The following SCARA5 variants were observed in gnomAD, a reference collection of about 807,000 sequenced individuals.
SCARA5 encodes scavenger receptor class A, member 5 (putative).
SCARA5 carries 45 observed loss-of-function variants against 46.3 expected under a neutral mutation model. That is an observed-to-expected ratio of 0.97 (90% CI 0.76 to 1.24). SCARA5 has a LOEUF of 1.24. SCARA5 is among the 50% of genes most tolerant of loss of function. The probability of loss-of-function intolerance (pLI) is 0.00; values close to 1 mark genes in which losing one functional copy is unlikely to be tolerated. For missense variants in SCARA5, 680 were observed against 689.0 expected, an observed-to-expected ratio of 0.99 and a Z score of 0.15; for synonymous variants, 333 against 306.5, an observed-to-expected ratio of 1.09 and a Z score of -0.90.
chr8:27,877,419 G>A (rs925672506), intron 8 of SCARA5, among the ~76,000 whole-genome samples: 3 of 152,190 alleles, frequency 2.0e-5, no homozygotes, highest in Non-Finnish European at 4.4e-5. Flanking sequence ...GATCAGGGGA[G>A]TGAAAGAAGC....
intron 2 of SCARA5, among the ~76,000 whole-genome samples, chr8:27,978,193 ATT>A (rs34584740): frequency 1.6e-4 from 22 of 137,940 alleles, no homozygotes; most frequent in Non-Finnish European, 1.6e-4. Flanking sequence ...CATCCGGCTA[ATT>A]TTTTTTTTTT....
intron 7 of SCARA5, among the ~76,000 whole-genome samples, chr8:27,880,707 G>A (rs895524424): frequency 2.0e-4 from 31 of 151,922 alleles, no homozygotes; most frequent in African/African-American, 7.5e-4. Context: ...AATAATAAAT[G>A]AGCCAGGCAT....
chr8:27,910,085 A>G, intron 4 of SCARA5: 1 of 207,568 alleles, frequency 4.8e-6, no homozygotes, highest in South Asian at 1.3e-4. Context: ...GGTCTTTGGG[A>G]GGTGATGAGG....
chr8:27,911,371 T>C (rs1807372046), intron 4 of SCARA5, among the ~76,000 whole-genome samples: 1 of 152,198 alleles, frequency 6.6e-6, no homozygotes, highest in South Asian at 2.1e-4. Flanking sequence ...CTCCAAGCTC[T>C]CACCTCCTGC....
intron 2 of SCARA5, among the ~76,000 whole-genome samples, chr8:27,985,053 TG>T (rs1202982760): frequency 6.6e-6 from 1 of 152,230 alleles, no homozygotes; most frequent in African/African-American, 2.4e-5. Context: ...TACTGTATGC[TG>T]GGCTCAGGAG....
chr8:27,896,331 C>T (rs1005178016), intron 7 of SCARA5, among the ~76,000 whole-genome samples: 2 of 152,122 alleles, frequency 1.3e-5, no homozygotes, highest in Admixed American at 6.5e-5. Context: ...CCCCTCCTTG[C>T]CCTAGTTCCT....
intron 3 of SCARA5, among the ~76,000 whole-genome samples, chr8:27,933,065 G>A (rs1714228654): frequency 6.6e-6 from 1 of 152,208 alleles, no homozygotes; most frequent in Non-Finnish European, 1.5e-5. Flanking sequence ...GATTCAACAT[G>A]TGAATTTTAG....
intron 8 of SCARA5, among the ~76,000 whole-genome samples, chr8:27,873,319 A>T (rs1376587649): frequency 2.0e-5 from 3 of 152,060 alleles, no homozygotes; most frequent in African/African-American, 7.2e-5. Flanking sequence ...ACACTATTTT[A>T]TGTTATTTTT....
chr8:27,952,183 G>C (rs1006720620), intron 3 of SCARA5, among the ~76,000 whole-genome samples: 1 of 152,140 alleles, frequency 6.6e-6, no homozygotes, highest in Non-Finnish European at 1.5e-5. Context: ...AGAAACAAAG[G>C]GGTGGCTGGC....
At chr8:27,946,975 G>T (rs1808047632) in intron 3 of SCARA5, among the ~76,000 whole-genome samples, 2 of 150,674 alleles carry the variant, frequency 1.3e-5, no homozygotes, top group African/African-American at 4.9e-5. Context: ...GTCTCTCCTA[G>T]CGAACAGAGA....
At chr8:27,986,565 G>C (rs1202302037) in intron 2 of SCARA5, among the ~76,000 whole-genome samples, 1 of 152,142 alleles carries the variant, frequency 6.6e-6, no homozygotes, top group Non-Finnish European at 1.5e-5. Context: ...GGGTGAGCAG[G>C]TTCATTGGTC....
chr8:27,929,655 C>A (rs1252738153), intron 3 of SCARA5, among the ~76,000 whole-genome samples: 2 of 152,116 alleles, frequency 1.3e-5, no homozygotes, highest in Non-Finnish European at 2.9e-5. Flanking sequence ...GAATTTGTGC[C>A]ATCTGTCCCT....
chr8:27,923,112 T>C (rs1284446292), intron 3 of SCARA5, among the ~76,000 whole-genome samples: 1 of 152,182 alleles, frequency 6.6e-6, no homozygotes, highest in African/African-American at 2.4e-5. Flanking sequence ...TTGCCCAGGG[T>C]AAAAATTTAC....
chr8:27,876,190 T>TAGTAATTTTAGTATA, intron 8 of SCARA5, among the ~76,000 whole-genome samples: 1 of 152,184 alleles, frequency 6.6e-6, no homozygotes, highest in African/African-American at 2.4e-5. Flanking sequence ...ACACCCAAGA[T>TAGTAATTTTAGTATA]CTCCTTTAGC....
intron 3 of SCARA5, among the ~76,000 whole-genome samples, chr8:27,947,257 C>T (rs1455024691): frequency 6.6e-6 from 1 of 152,182 alleles, no homozygotes; most frequent in Non-Finnish European, 1.5e-5. Flanking sequence ...GGTGATCCAC[C>T]TGCCTTGGGC....
At chr8:27,884,234 C>T (rs1806857136) in intron 7 of SCARA5, among the ~76,000 whole-genome samples, 1 of 152,208 alleles carries the variant, frequency 6.6e-6, no homozygotes, top group South Asian at 2.1e-4. Context: ...CAAATACAAA[C>T]TCATTCAGGC....
chr8:27,932,364 T>C (rs1807788685), intron 3 of SCARA5, among the ~76,000 whole-genome samples: 1 of 152,248 alleles, frequency 6.6e-6, no homozygotes, highest in Admixed American at 6.5e-5. Context: ...GTCGATCTTC[T>C]GTGACTCAGA....
intron 4 of SCARA5, among the ~76,000 whole-genome samples, chr8:27,913,884 G>A (rs76024591): frequency 0.013 from 1,988 of 152,226 alleles, 88 homozygotes; most frequent in East Asian, 0.13. Flanking sequence ...CTGCACAAAC[G>A]CTCTCCTCAT....
intron 2 of SCARA5, among the ~76,000 whole-genome samples, chr8:27,984,592 TCATCCATCCATTCATC>T (rs1808674011): frequency 6.7e-6 from 1 of 149,072 alleles, no homozygotes; most frequent in African/African-American, 2.5e-5. Flanking sequence ...ATCCATTCAT[TCATCCATCCATTCATC>T]CATCCATCCA....
Sources: gnomAD v4.1 joint callset for allele counts (sites outside exome capture counted in the v4.1 genomes callset) on GRCh38, gnomAD v4.1.1 for gene constraint, MANE v1.5 for transcripts, NCBI Gene and HGNC (gene_info 2026-07-23, HGNC 2026-07-21) for gene names.